MAX: variants seen among roughly 807,000 people sequenced by gnomAD.
The protein encoded by MAX is protein max.
A neutral mutation model predicts 22.3 loss-of-function variants in MAX; 3 were observed. That is an observed-to-expected ratio of 0.13 (90% CI 0.06 to 0.35). The LOEUF (loss-of-function observed/expected upper bound fraction) is 0.35, where lower values mean the gene tolerates loss of function less well. Among genes scored for constraint, MAX ranks in the 10% least tolerant of loss-of-function variants. The probability of loss-of-function intolerance (pLI) is 1.00; values close to 1 mark genes in which losing one functional copy is unlikely to be tolerated. For missense variants in MAX, 119 were observed against 209.4 expected (o/e 0.57, Z 2.66); for synonymous variants, 72 against 77.7 (o/e 0.93, Z 0.39).
chr14:65,084,272 T>C lies in MAX; in HGVS notation c.172-6236A>G, dbSNP rs141542259. The C allele has an allele frequency of 4.7e-5, 75 of 1,609,432 alleles. No homozygotes were observed. In the South Asian group the frequency reaches 7.0e-4, roughly 15 times the overall value. Reference sequence around the variant, plus strand: ...AAACTTTGACGATGAAGGACAGGAGTACACAATTTCCAAAAGAGGAAATAG... The same window carrying C: ...AAACTTTGACGATGAAGGACAGGAGCACACAATTTCCAAAAGAGGAAATAG... On this transcript the variant is annotated intron_variant, in intron 3 of 4. Coordinates refer to ENST00000358664, the MANE Select transcript of MAX (RefSeq NM_002382.5). The surrounding 1 kb of genome is among the most constrained non-coding windows in gnomAD (Gnocchi z 4.3).
Position 65,031,514 on chromosome 14 carries a change from C to T in MAX, c.172-25230G>A, listed in dbSNP as rs1486851623. Among the ~76,000 whole-genome samples, 2 of 151,812 alleles carry T rather than the reference C, an allele frequency of 1.3e-5. No homozygotes were observed. Among genetic ancestry groups the T allele is most frequent in the South Asian group, 2.1e-4 (1 of 4,826 alleles). ...TGTGTTTTTAGTGGAGACGGGGTTT[C>T]GCAATATTGGTCAGGTTGGTCTTGA... On this transcript the variant is annotated intron_variant, in intron 3 of 3. Transcript: ENST00000341653. The surrounding 1 kb of genome is among the most constrained non-coding windows in gnomAD (Gnocchi z 4.6).
At position 65,076,324 on chromosome 14, in the gene MAX, G is replaced by T. The variant is rs2063053606; in HGVS notation, c.*152C>A. The T allele has an allele frequency of 2.0e-6, 3 of 1,500,042 alleles. No homozygotes were observed. The highest frequency in any genetic ancestry group is 2.7e-6 in the Non-Finnish European group (3 of 1,130,152). 92.9% of individuals were successfully genotyped at this position (1,500,042 alleles called of 1,614,324 possible). A position where few individuals can be genotyped will look rare whatever the true frequency, so the allele number is the denominator to read the frequency against. ...GGAGAACGAGAGCTGTTGTCCAAGA[G>T]CTTCTACGTAAAAATAAAAATTTAA... On this transcript the variant is annotated 3_prime_UTR_variant, in exon 5 of 5. Coordinates refer to ENST00000358664, the MANE Select transcript of MAX (RefSeq NM_002382.5). The surrounding 1 kb of genome is among the most constrained non-coding windows in gnomAD (Gnocchi z 6.6).
At chr14:65,041,357 A>G (rs2062348338) in intron 3 of MAX, among the ~76,000 whole-genome samples, 1 of 152,216 alleles carries the variant, frequency 6.6e-6, no homozygotes, top group Non-Finnish European at 1.5e-5. Context: ...AGAGCTGGCT[A>G]ATTGCATTGA....
intron 3 of MAX, among the ~76,000 whole-genome samples, chr14:65,058,726 CTTT>C (rs1383034326): frequency 2.6e-5 from 4 of 152,038 alleles, no homozygotes; most frequent in Admixed American, 1.3e-4. Context: ...GATTTTTCTT[CTTT>C]AATATGATAT....
intron 3 of MAX, among the ~76,000 whole-genome samples, chr14:65,066,553 TAAC>T (rs1397513770): frequency 3.9e-5 from 6 of 152,038 alleles, no homozygotes; most frequent in Non-Finnish European, 5.9e-5. Flanking sequence ...GCTTACAAAA[TAAC>T]AATAAGAAAA....
At chr14:65,051,064 AGCATGTGGCCT>A (rs1251268502) in intron 3 of MAX, among the ~76,000 whole-genome samples, 2 of 152,254 alleles carry the variant, frequency 1.3e-5, no homozygotes, top group African/African-American at 4.8e-5. Context: ...AGTGTATCAA[AGCATGTGGCCT>A]GCAGCCAGCC....
chr14:65,030,793 C>T lies in MAX; in HGVS notation c.172-24509G>A, dbSNP rs576201827. Among the ~76,000 whole-genome samples the T allele has an allele frequency of 1.3e-5, 2 of 151,658 alleles. No individual in the cohort carries two copies. The highest frequency in any genetic ancestry group is 2.1e-4 in the South Asian group (1 of 4,804). On this transcript the variant is annotated intron_variant, in intron 3 of 3. Coordinates refer to the MAX transcript ENST00000341653. This position sits in a 1 kb window ranked among gnomAD's most constrained non-coding sequence, Gnocchi z 4.5. ...CCCTTCTTTTATGTTTCTTAGGAGCCCTTAGGAATATACTTTTTGTTTGTT... is the reference window on the plus strand; with the variant it reads ...CCCTTCTTTTATGTTTCTTAGGAGCTCTTAGGAATATACTTTTTGTTTGTT...
Position 65,029,497 on chromosome 14 carries a change from A to G in MAX, c.172-23213T>C, listed in dbSNP as rs889843032. Among the ~76,000 whole-genome samples the G allele has an allele frequency of 2.0e-5, 3 of 152,232 alleles. No homozygotes were observed. Among genetic ancestry groups the G allele is most frequent in the Admixed American group, 6.5e-5 (1 of 15,286 alleles). ...GAGATGAGCCTACTCAAGGGTCTGT[A>G]GTTCCAGTGTATTGTAAAAAATCAA... On this transcript the variant is annotated intron_variant, in intron 3 of 3. Transcript: ENST00000341653. The surrounding 1 kb of genome is among the most constrained non-coding windows in gnomAD (Gnocchi z 4.7).
At position 65,069,806 on chromosome 14, in the gene MAX, T is replaced by C. The variant is rs1044158571; in HGVS notation, c.171+23902A>G. Among the ~76,000 whole-genome samples the C allele has an allele frequency of 5.3e-5, 8 of 152,290 alleles. No individual in the cohort carries two copies. The highest frequency in any genetic ancestry group is 4.1e-4 in the South Asian group (2 of 4,826). On this transcript the variant is annotated intron_variant, in intron 3 of 3. Coordinates refer to the MAX transcript ENST00000341653. The surrounding 1 kb of genome is among the most constrained non-coding windows in gnomAD (Gnocchi z 4.6). ...CTCACCACCACTCTCTGCACAGAGG[T>C]CCCTGGATGGGAAACATGGTCAAGT...
rs1454863693 is a variant in MAX at position 65,082,308 on chromosome 14, T to G, written c.172-4272A>C. Reference sequence around the variant, plus strand: ...AAAAGGACTACGAAAGTCACCTGATTTGCCTACAAGGACGTCAAATGGAAG... The same window carrying G: ...AAAAGGACTACGAAAGTCACCTGATGTGCCTACAAGGACGTCAAATGGAAG... On this transcript the variant is annotated intron_variant, in intron 3 of 4. Transcript: ENST00000358664. This position sits in a 1 kb window ranked among gnomAD's most constrained non-coding sequence, Gnocchi z 4.8. The G allele has an allele frequency of 6.6e-6, 1 of 152,188 alleles. No individual in the cohort carries two copies. Among genetic ancestry groups the G allele is most frequent in the Non-Finnish European group, 1.5e-5 (1 of 68,034 alleles). The allele number at this position is 152,188 out of a possible 1,614,324, so 9.4% of individuals were successfully genotyped here. A position where few individuals can be genotyped will look rare whatever the true frequency, so the allele number is the denominator to read the frequency against.
chr14:65,041,624 C>T lies in MAX; in HGVS notation c.172-35340G>A, dbSNP rs148793722. ...ACCTCCTCTCCCTGAGTTCAGATGC[C>T]AGCCTCCCGTTATGCGGCCCATCGT... is the stretch of plus-strand genomic sequence containing the variant. On this transcript the variant is annotated intron_variant, in intron 3 of 3. Transcript: ENST00000341653. Among the ~76,000 whole-genome samples, 193 of 152,294 alleles carry T rather than the reference C, an allele frequency of 1.3e-3. 1 individual carries two copies. Among genetic ancestry groups the T allele is most frequent in the African/African-American group, 4.6e-3 (193 of 41,558 alleles).
rs1038625476 is a variant in MAX at position 65,012,284 on chromosome 14, T to C, written c.172-6000A>G. ...TGTGTATGGTGGAAGCATAAGCTAT[T>C]AGAATGGGCTTATAAACTGTTTGTC... On this transcript the variant is annotated intron_variant, in intron 3 of 3. Transcript: ENST00000341653. The surrounding 1 kb of genome is among the most constrained non-coding windows in gnomAD (Gnocchi z 5.0). The C allele has an allele frequency of 9.3e-6, 15 of 1,613,488 alleles. No individual in the cohort carries two copies. The African/African-American group carries it at 1.7e-4, about 19-fold the overall frequency.
In MAX at chr14:65,044,433, G is replaced by T. The variant is rs770610468; in HGVS notation, c.172-38149C>A. 6.2e-7 allele frequency: 1 copy of T among 1,609,546 alleles called. No individual in the cohort carries two copies. Among genetic ancestry groups the T allele is most frequent in the Non-Finnish European group, 8.5e-7 (1 of 1,178,270 alleles). On this transcript the variant is annotated intron_variant, in intron 3 of 3. Coordinates refer to the MAX transcript ENST00000341653. The surrounding 1 kb of genome is among the most constrained non-coding windows in gnomAD (Gnocchi z 5.5). ...TCCTGCCCCTGCTCCACCGCGCACT[G>T]CACGCCCAAGGTGAGCCTGGGGAGC... is the stretch of plus-strand genomic sequence containing the variant.
intron 3 of MAX, among the ~76,000 whole-genome samples, chr14:65,042,195 G>C (rs751960979): frequency 3.9e-5 from 6 of 152,102 alleles, no homozygotes; most frequent in Non-Finnish European, 5.9e-5. Context: ...GGTTGGGGGT[G>C]GGACGGGGGG....
Position 65,082,173 on chromosome 14 carries a change from C to T in MAX, c.172-4137G>A, listed in dbSNP as rs888407756. 6.6e-6 allele frequency: 1 copy of T among 152,096 alleles called. No individual in the cohort carries two copies. Among genetic ancestry groups the T allele is most frequent in the African/African-American group, 2.4e-5 (1 of 41,402 alleles). The allele number at this position is 152,096 out of a possible 1,614,324, so 9.4% of individuals were successfully genotyped here. A position where few individuals can be genotyped will look rare whatever the true frequency, so the allele number is the denominator to read the frequency against. On this transcript the variant is annotated intron_variant, in intron 3 of 4. Coordinates refer to ENST00000358664, the MANE Select transcript of MAX (RefSeq NM_002382.5). The surrounding 1 kb of genome is among the most constrained non-coding windows in gnomAD (Gnocchi z 4.8). ...AGTTGAGTCAGGATTTGAATCCAAGCCTCCAGGACACTCATACTTTGGGAA... is the reference window on the plus strand; with the variant it reads ...AGTTGAGTCAGGATTTGAATCCAAGTCTCCAGGACACTCATACTTTGGGAA...
intron 1 of MAX, 69 bp downstream of exon 1, chr14:65,102,235 C>G: frequency 6.2e-7 from 1 of 1,602,462 alleles, no homozygotes. Flanking sequence ...CGCCGTCGCC[C>G]CGCTAAGAGC....
chr14:65,032,306 G>A lies in MAX; in HGVS notation c.172-26022C>T, dbSNP rs149703722. ...ACCATTATAGGTCTTTGAAAGAAGAGCTGAATCCACTTTTGACATGAATTG... is the reference window on the plus strand; with the variant it reads ...ACCATTATAGGTCTTTGAAAGAAGAACTGAATCCACTTTTGACATGAATTG... On this transcript the variant is annotated intron_variant, in intron 3 of 3. Coordinates refer to the MAX transcript ENST00000341653. The surrounding 1 kb of genome is among the most constrained non-coding windows in gnomAD (Gnocchi z 5.0). The A allele has an allele frequency of 3.8e-4, 95 of 253,030 alleles. No individual in the cohort carries two copies. The highest frequency in any genetic ancestry group is 2.1e-3 in the African/African-American group (92 of 44,626). 15.7% of individuals were successfully genotyped at this position (253,030 alleles called of 1,614,324 possible).
In MAX at chr14:65,076,164, C is replaced by G; in HGVS notation, c.*312G>C. ...GGTAGGGTGGGCAGGACACTATGTG[C>G]TCAGAGGTCCGGCCGGCCGTCTGTC... On this transcript the variant is annotated 3_prime_UTR_variant, in exon 5 of 5. Transcript: ENST00000358664. This position sits in a 1 kb window ranked among gnomAD's most constrained non-coding sequence, Gnocchi z 6.6. The G allele has an allele frequency of 7.3e-7, 1 of 1,370,668 alleles. No individual in the cohort carries two copies. The highest frequency in any genetic ancestry group is 9.4e-7 in the Non-Finnish European group (1 of 1,062,318). The allele number at this position is 1,370,668 out of a possible 1,614,324, so 84.9% of individuals were successfully genotyped here. A position where few individuals can be genotyped will look rare whatever the true frequency, so the allele number is the denominator to read the frequency against.
In MAX at chr14:65,032,935, G is replaced by T. The variant is rs1444214530; in HGVS notation, c.172-26651C>A. ...TAAAAAACTTTGGTAAACAATATTA[G>T]TGAGAGCCTGAATTGATTTAACCAG... On this transcript the variant is annotated intron_variant, in intron 3 of 3. Transcript: ENST00000341653. This position sits in a 1 kb window ranked among gnomAD's most constrained non-coding sequence, Gnocchi z 5.0. Among the ~76,000 whole-genome samples, 1 of 152,124 alleles carries T rather than the reference G, an allele frequency of 6.6e-6. No individual in the cohort carries two copies.
Sources: allele counts gnomAD v4.1 joint callset (sites outside exome capture counted in the v4.1 genomes callset), GRCh38; gene constraint gnomAD v4.1.1; non-coding constraint Gnocchi (gnomAD v3.1); transcripts MANE v1.5; gene names NCBI Gene and HGNC (gene_info 2026-07-23, HGNC 2026-07-21).